NOX4: variants seen among roughly 807,000 people sequenced by gnomAD.
The protein encoded by NOX4 is NADPH oxidase 4.
NOX4 carries 69 observed loss-of-function variants against 87.6 expected under a neutral mutation model. That is an observed-to-expected ratio of 0.79 (90% CI 0.65 to 0.96). NOX4 has a LOEUF of 0.96. Among genes scored for constraint, NOX4 ranks in the 40% least tolerant of loss-of-function variants. The pLI is 0.00. For missense variants in NOX4, 680 were observed against 681.5 expected, an observed-to-expected ratio of 1.00 and a Z score of 0.02; for synonymous variants, 275 against 238.2, an observed-to-expected ratio of 1.15 and a Z score of -1.42.
At chr11:89,422,102 A>C in intron 7 of NOX4, 120 bp from the exon 8 acceptor site, 1 of 525,534 alleles carries the variant, frequency 1.9e-6, no homozygotes, top group Non-Finnish European at 3.4e-6. Context: ...ACATGAGTAC[A>C]TCATATTAAT....
chr11:89,446,103 C>G (rs911075139), intron 4 of NOX4, among the ~76,000 whole-genome samples: 1 of 151,954 alleles, frequency 6.6e-6, no homozygotes, highest in Non-Finnish European at 1.5e-5. Flanking sequence ...GGCAAACAAG[C>G]ACGAAAAGAT....
At chr11:89,383,053 A>G (rs1940412841) in intron 11 of NOX4, among the ~76,000 whole-genome samples, 1 of 152,254 alleles carries the variant, frequency 6.6e-6, no homozygotes, top group East Asian at 1.9e-4. Flanking sequence ...AAAAAGCTTC[A>G]AAAATTAGAA....
At chr11:89,547,963 T>C in the NOX4 span, among the ~76,000 whole-genome samples, 1 of 151,792 alleles carries the variant, frequency 6.6e-6, no homozygotes, top group Admixed American at 6.6e-5. Context: ...CAAAGAGACA[T>C]GGCCACTCTT....
chr11:89,416,606 C>G (rs762149053), intron 8 of NOX4, among the ~76,000 whole-genome samples: 3 of 152,160 alleles, frequency 2.0e-5, no homozygotes, highest in Non-Finnish European at 2.9e-5. Flanking sequence ...CAATATCTGT[C>G]TAACCCTGGT....
chr11:89,571,549 C>A, the NOX4 span, among the ~76,000 whole-genome samples: 1 of 152,122 alleles, frequency 6.6e-6, no homozygotes. Flanking sequence ...CCCGCCTGGG[C>A]CTCCCAAAGT....
the NOX4 span, among the ~76,000 whole-genome samples, chr11:89,549,457 A>G: frequency 6.6e-6 from 1 of 152,234 alleles, no homozygotes; most frequent in East Asian, 1.9e-4. Context: ...GCTTTTTCAA[A>G]CTTGTTTAAA....
At chr11:89,483,367 C>A (rs1444921065) in intron 2 of NOX4, among the ~76,000 whole-genome samples, 1 of 151,754 alleles carries the variant, frequency 6.6e-6, no homozygotes, top group Non-Finnish European at 1.5e-5. Flanking sequence ...CAGATAAATG[C>A]ATAAAGAAAA....
chr11:89,510,900 T>A, the NOX4 span, among the ~76,000 whole-genome samples: 1 of 152,044 alleles, frequency 6.6e-6, no homozygotes, highest in African/African-American at 2.4e-5. Flanking sequence ...GGTCTTGTAG[T>A]ACATCCTCCT....
intron 7 of NOX4, among the ~76,000 whole-genome samples, chr11:89,427,215 C>A (rs372676497): frequency 6.6e-6 from 1 of 152,260 alleles, no homozygotes. Flanking sequence ...ACCAAAACCT[C>A]ATTCGCATGT....
In NOX4 at chr11:89,381,866, A is replaced by C. The variant is rs1377113487; in HGVS notation, c.1075-8374T>G. ...CTCCAGCCTCTCTCACTATCCTTCA[A>C]CCTCTTTCTCCTTTCAATCTTGGTG... is the stretch of plus-strand genomic sequence containing the variant. On this transcript the variant is annotated intron_variant, in intron 11 of 17. Transcript: ENST00000263317. Among the ~76,000 whole-genome samples, 3 of 151,420 alleles carry C rather than the reference A, an allele frequency of 2.0e-5. No individual in the cohort carries two copies. The East Asian group carries it at 5.9e-4, about 30-fold the overall frequency.
chr11:89,342,602 G>A (rs1224801412), intron 13 of NOX4, among the ~76,000 whole-genome samples: 3 of 152,058 alleles, frequency 2.0e-5, no homozygotes, highest in Non-Finnish European at 4.4e-5. Flanking sequence ...TCAATGGCTA[G>A]ATCAGTACTG....
intron 2 of NOX4, among the ~76,000 whole-genome samples, chr11:89,460,698 A>C (rs1331260492): frequency 1.3e-5 from 2 of 152,194 alleles, no homozygotes; most frequent in Admixed American, 1.3e-4. Flanking sequence ...GAACACTTTT[A>C]CACTGTTGGT....
At position 89,326,559 on chromosome 11, in the gene NOX4, G is replaced by A; in HGVS notation, c.*197C>T. 1 of 430,592 alleles carries A rather than the reference G, an allele frequency of 2.3e-6. No homozygotes were observed. Among genetic ancestry groups the A allele is most frequent in the Non-Finnish European group, 4.1e-6 (1 of 242,168 alleles). The allele number at this position is 430,592 out of a possible 1,614,324, so 26.7% of individuals were successfully genotyped here. ...AATCATCACATCAAATATTCTTCAG[G>A]GTCTCTTTGGTTTCCAGATTAAACA... is the stretch of plus-strand genomic sequence containing the variant. On this transcript the variant is annotated 3_prime_UTR_variant, in exon 18 of 18. Transcript: ENST00000263317.
At chr11:89,440,553 G>T (rs1944411088) in intron 6 of NOX4, 135 bp downstream of exon 6, 12 of 474,458 alleles carry the variant, frequency 2.5e-5, no homozygotes, top group Non-Finnish European at 4.1e-5. Flanking sequence ...TCGAGTTCCT[G>T]ACCTCAGGTG....
the NOX4 span, among the ~76,000 whole-genome samples, chr11:89,514,503 T>C: frequency 7.9e-5 from 12 of 152,140 alleles, no homozygotes; most frequent in African/African-American, 2.9e-4. Flanking sequence ...TTTATCTTCA[T>C]AACTAGTTTT....
intron 8 of NOX4, among the ~76,000 whole-genome samples, chr11:89,415,385 A>G (rs1942708402): frequency 6.6e-6 from 1 of 152,076 alleles, no homozygotes; most frequent in African/African-American, 2.4e-5. Flanking sequence ...CAATGCAGTG[A>G]TTCTAACTCT....
chr11:89,375,891 G>T (rs1300060587), intron 11 of NOX4, among the ~76,000 whole-genome samples: 1 of 152,166 alleles, frequency 6.6e-6, no homozygotes, highest in Admixed American at 6.5e-5. Flanking sequence ...AGAATGGAAG[G>T]CAAAGAATGT....
upstream of NOX4, chr11:89,491,447 C>A (rs569794911): frequency 4.0e-4 from 214 of 538,958 alleles, 2 homozygotes; most frequent in African/African-American, 3.5e-3. Flanking sequence ...TTCCGGGCGC[C>A]CTGACTCCCA....
At chr11:89,426,134 T>G (rs575655162) in intron 7 of NOX4, among the ~76,000 whole-genome samples, 2 of 152,306 alleles carry the variant, frequency 1.3e-5, no homozygotes, top group South Asian at 4.1e-4. Context: ...ATTTGTTATT[T>G]TAGCAGATGC....
Sources: gnomAD v4.1 joint callset for allele counts (sites outside exome capture counted in the v4.1 genomes callset) on GRCh38, gnomAD v4.1.1 for gene constraint, MANE v1.5 for transcripts, NCBI Gene and HGNC (gene_info 2026-07-23, HGNC 2026-07-21) for gene names.